Variants in TMCO5A observed in about 807,000 individuals in gnomAD.
The protein encoded by TMCO5A is transmembrane and coiled-coil domain-containing protein 5A.
TMCO5A carries 34 observed loss-of-function variants against 42.3 expected under a neutral mutation model. The observed-to-expected ratio is 0.80, with a 90% CI of 0.61 to 1.07. TMCO5A has a LOEUF of 1.07. TMCO5A is among the 50% of genes least tolerant of loss of function. The pLI, the probability that TMCO5A is intolerant of heterozygous loss-of-function variation, is 0.00. For synonymous variants in TMCO5A, 131 were observed against 115.6 expected (o/e 1.13, Z -0.86); for missense variants, 357 against 327.9 (o/e 1.09, Z -0.69).
chr15:37,973,168 T>C, the TMCO5A span, among the ~76,000 whole-genome samples: 3 of 150,982 alleles, frequency 2.0e-5, no homozygotes, highest in Admixed American at 1.3e-4. Flanking sequence ...TTTTTTTTTT[T>C]TGTACCATGC....
the TMCO5A span, among the ~76,000 whole-genome samples, chr15:38,037,889 T>A: frequency 6.6e-6 from 1 of 151,924 alleles, no homozygotes; most frequent in African/African-American, 2.4e-5. Flanking sequence ...GGCACATGCC[T>A]GCAGTCCCAG....
At chr15:38,001,722 T>A in the TMCO5A span, among the ~76,000 whole-genome samples, 3 of 152,048 alleles carry the variant, frequency 2.0e-5, no homozygotes, top group Non-Finnish European at 4.4e-5. Flanking sequence ...ATCTTATAAC[T>A]CCTTATTTTA....
At chr15:37,947,281 C>A (rs1049931856) in intron 10 of TMCO5A, among the ~76,000 whole-genome samples, 1 of 151,812 alleles carries the variant, frequency 6.6e-6, no homozygotes, top group Non-Finnish European at 1.5e-5. Flanking sequence ...GTTTTCTTAG[C>A]CTATAAGCTT....
At chr15:37,973,535 C>A in the TMCO5A span, among the ~76,000 whole-genome samples, 1 of 152,080 alleles carries the variant, frequency 6.6e-6, no homozygotes, top group Non-Finnish European at 1.5e-5. Flanking sequence ...CCTTTCCTGG[C>A]ACTTGTGAAT....
chr15:37,982,951 C>T, the TMCO5A span, among the ~76,000 whole-genome samples: 1 of 152,020 alleles, frequency 6.6e-6, no homozygotes, highest in East Asian at 1.9e-4. Context: ...ATAGTCCTCT[C>T]TCTTCCCATC....
chr15:38,009,344 GCT>G, the TMCO5A span, among the ~76,000 whole-genome samples: 1 of 152,212 alleles, frequency 6.6e-6, no homozygotes, highest in Non-Finnish European at 1.5e-5. Context: ...AAAGAGCACA[GCT>G]CGCCTATTCT....
Position 37,937,244 on chromosome 15 carries a change from T to A in TMCO5A, c.265-102T>A, listed in dbSNP as rs540882134. On this transcript the variant is annotated intron_variant, in intron 4 of 11. Coordinates refer to ENST00000319669, the MANE Select transcript of TMCO5A (RefSeq NM_152453.4). ...ATGACATTATGCAAATAAGGTCAAG[T>A]TACTGCAGGAAAATATAGCTGGGGT... 3.8e-4 allele frequency: 529 copies of A among 1,384,884 alleles called. 1 individual carries two copies. The African/African-American group carries it at 6.8e-3, about 18-fold the overall frequency. 85.8% of individuals were successfully genotyped at this position (1,384,884 alleles called of 1,614,324 possible).
At chr15:38,013,293 G>C in the TMCO5A span, among the ~76,000 whole-genome samples, 2 of 152,074 alleles carry the variant, frequency 1.3e-5, no homozygotes, top group Admixed American at 6.5e-5. Flanking sequence ...ATCCTGTATA[G>C]GCAGGCCAAG....
chr15:37,956,062 A>C (rs1298341449), downstream of TMCO5A, among the ~76,000 whole-genome samples: 1 of 152,186 alleles, frequency 6.6e-6, no homozygotes, highest in African/African-American at 2.4e-5. Flanking sequence ...ACAAAGACGC[A>C]ATCTACCAGA....
At chr15:37,942,318 C>A (rs775634512) in intron 9 of TMCO5A, 63 bp downstream of exon 9, 25 of 1,513,592 alleles carry the variant, frequency 1.7e-5, no homozygotes, top group East Asian at 4.5e-5. Context: ...TGAGTCAGAG[C>A]AAACAGTTCT....
At chr15:37,964,338 C>T (rs1451391238) in intron 11 of TMCO5A, among the ~76,000 whole-genome samples, 3 of 152,156 alleles carry the variant, frequency 2.0e-5, no homozygotes, top group African/African-American at 4.8e-5. Context: ...TGCACAGAGT[C>T]CTGTCATATG....
At chr15:37,956,123 A>G (rs184391052), downstream of TMCO5A, among the ~76,000 whole-genome samples, 454 of 152,328 alleles carry the variant, frequency 3.0e-3, 2 homozygotes, top group Non-Finnish European at 4.6e-3. Flanking sequence ...TACAGCACTA[A>G]ATGCCCACAA....
the TMCO5A span, among the ~76,000 whole-genome samples, chr15:38,028,772 G>C: frequency 9.9e-5 from 15 of 152,174 alleles, no homozygotes; most frequent in African/African-American, 3.4e-4. Flanking sequence ...AGTGGGCAGA[G>C]GACAGGGTAG....
At chr15:37,996,054 G>A in the TMCO5A span, among the ~76,000 whole-genome samples, 1 of 152,126 alleles carries the variant, frequency 6.6e-6, no homozygotes, top group Non-Finnish European at 1.5e-5. Flanking sequence ...AAATAGATGG[G>A]TTCATCCTAA....
intron 9 of TMCO5A, 154 bp from the exon 10 acceptor site, chr15:37,943,187 A>C: frequency 1.7e-6 from 1 of 593,200 alleles, no homozygotes; most frequent in Non-Finnish European, 2.7e-6. Flanking sequence ...AAATTAATTT[A>C]ACTTTAATTA....
At chr15:38,001,574 G>A in the TMCO5A span, among the ~76,000 whole-genome samples, 1 of 150,906 alleles carries the variant, frequency 6.6e-6, no homozygotes, top group East Asian at 1.9e-4. Flanking sequence ...TTGTTTTGTG[G>A]TCTTCTCTTC....
chr15:37,973,576 G>A, the TMCO5A span, among the ~76,000 whole-genome samples: 2 of 151,966 alleles, frequency 1.3e-5, no homozygotes, highest in Non-Finnish European at 2.9e-5. Flanking sequence ...CTCTCGGCTT[G>A]GCTATTGTGC....
chr15:38,018,226 G>C, the TMCO5A span, among the ~76,000 whole-genome samples: 2 of 152,128 alleles, frequency 1.3e-5, no homozygotes, highest in Non-Finnish European at 2.9e-5. Flanking sequence ...AACAGTAATA[G>C]ACAACAAAGA....
At chr15:38,004,540 G>T in the TMCO5A span, among the ~76,000 whole-genome samples, 1 of 152,154 alleles carries the variant, frequency 6.6e-6, no homozygotes, top group Non-Finnish European at 1.5e-5. Context: ...TGCTGGTGAA[G>T]CTTGTTGGAA....
Sources: allele counts gnomAD v4.1 joint callset (sites outside exome capture counted in the v4.1 genomes callset), GRCh38; gene constraint gnomAD v4.1.1; transcripts MANE v1.5; gene names NCBI Gene and HGNC (gene_info 2026-07-23, HGNC 2026-07-21).